Variants in GRID2 observed in about 807,000 individuals in gnomAD.
GRID2 encodes the protein glutamate receptor ionotropic, delta-2.
A neutral mutation model predicts 114.8 loss-of-function variants in GRID2; 33 were observed. The observed-to-expected ratio is 0.29, with a 90% CI of 0.22 to 0.38. The LOEUF (loss-of-function observed/expected upper bound fraction) is 0.38, where lower values mean the gene tolerates loss of function less well. GRID2 is among the 10% of genes least tolerant of loss of function. GRID2 has a pLI of 1.00. For missense variants in GRID2, 1,184 were observed against 1,257.7 expected, an observed-to-expected ratio of 0.94 and a Z score of 0.89; for synonymous variants, 505 against 449.9, an observed-to-expected ratio of 1.12 and a Z score of -1.55.
chr4:93,806,719 C>T (rs1735041026), exon 2 of GRID2: 1 of 152,230 alleles, frequency 6.6e-6, no homozygotes, highest in Non-Finnish European at 1.5e-5. Context: ...CCACAGGCTT[C>T]ATCCCTGCAG....
chr4:93,565,127 C>G, intron 13 of GRID2, among the ~76,000 whole-genome samples: 1 of 151,916 alleles, frequency 6.6e-6, no homozygotes, highest in Middle Eastern at 3.4e-3. Flanking sequence ...GATTTTATTT[C>G]ATAAATGATC....
intron 2 of GRID2, among the ~76,000 whole-genome samples, chr4:92,771,432 G>C (rs543204587): frequency 1.3e-5 from 2 of 152,160 alleles, no homozygotes; most frequent in Admixed American, 1.3e-4. Context: ...TCTTCTTTCT[G>C]TTATCCTACA....
intron 1 of GRID2, among the ~76,000 whole-genome samples, chr4:92,389,832 A>G (rs1266413874): frequency 1.3e-5 from 2 of 152,092 alleles, no homozygotes; most frequent in African/African-American, 4.8e-5. Context: ...ATATAGTTTC[A>G]TTCTTGCCCC....
At chr4:93,081,323 T>C (rs1052801631) in intron 2 of GRID2, among the ~76,000 whole-genome samples, 12 of 152,238 alleles carry the variant, frequency 7.9e-5, no homozygotes, top group African/African-American at 2.7e-4. Flanking sequence ...TTTAACTCTT[T>C]ATGCATTTTA....
intron 2 of GRID2, among the ~76,000 whole-genome samples, chr4:92,824,830 C>A (rs1355786595): frequency 1.3e-5 from 2 of 151,896 alleles, no homozygotes; most frequent in Non-Finnish European, 2.9e-5. Context: ...TTTAGGAAAA[C>A]CCATGAAGTG....
chr4:92,537,032 C>G (rs1725672350), intron 1 of GRID2, among the ~76,000 whole-genome samples: 1 of 152,126 alleles, frequency 6.6e-6, no homozygotes, highest in Non-Finnish European at 1.5e-5. Flanking sequence ...TATAAATAGG[C>G]TTACTTCAGC....
chr4:92,760,286 G>A (rs1737938867), intron 2 of GRID2, among the ~76,000 whole-genome samples: 2 of 149,836 alleles, frequency 1.3e-5, no homozygotes, highest in Admixed American at 1.3e-4. Context: ...GAAGAAGTCA[G>A]TTAGTGTCAG....
At chr4:93,438,423 G>T (rs1195797921) in intron 10 of GRID2, among the ~76,000 whole-genome samples, 1 of 152,068 alleles carries the variant, frequency 6.6e-6, no homozygotes, top group Non-Finnish European at 1.5e-5. Context: ...AAGCATGTTT[G>T]CCTTGATAAA....
chr4:92,752,668 T>C (rs1737509960), intron 2 of GRID2, among the ~76,000 whole-genome samples: 1 of 152,224 alleles, frequency 6.6e-6, no homozygotes, highest in Non-Finnish European at 1.5e-5. Context: ...CGTAATATGA[T>C]ACAGACTAGA....
rs76409022 is a variant in GRID2, at chr4:92,725,542, C to T, written c.244+135256C>T. Among the ~76,000 whole-genome samples, 792 of 152,172 alleles carry T rather than the reference C, an allele frequency of 5.2e-3. 3 individuals carry two copies. The highest frequency in any genetic ancestry group is 0.018 in the African/African-American group (758 of 41,528). On this transcript the variant is annotated intron_variant, in intron 2 of 15. Coordinates refer to ENST00000282020, the MANE Select transcript of GRID2 (RefSeq NM_001510.4). ...AATTTTTACCTTACTGAAAACTCTG[C>T]TTTTCAGAAAGTTGAGTAAGGGCTT...
At chr4:92,461,089 T>G (rs1721471335) in intron 1 of GRID2, among the ~76,000 whole-genome samples, 1 of 151,602 alleles carries the variant, frequency 6.6e-6, no homozygotes, top group South Asian at 2.1e-4. Flanking sequence ...AAATCATATA[T>G]TTATATAACT....
At chr4:93,169,106 A>G (rs562786911) in intron 4 of GRID2, among the ~76,000 whole-genome samples, 51 of 150,750 alleles carry the variant, frequency 3.4e-4, no homozygotes, top group Non-Finnish European at 6.8e-4. Flanking sequence ...TGAAAGTTAT[A>G]TTATTCTTCC....
chr4:93,364,427 C>G (rs927231018), intron 8 of GRID2, among the ~76,000 whole-genome samples: 1 of 151,974 alleles, frequency 6.6e-6, no homozygotes, highest in Non-Finnish European at 1.5e-5. Context: ...AGTATTGAAT[C>G]TATTTTCATT....
chr4:92,850,438 A>C (rs886586205), intron 2 of GRID2, among the ~76,000 whole-genome samples: 3 of 151,904 alleles, frequency 2.0e-5, no homozygotes, highest in Non-Finnish European at 4.4e-5. Context: ...GGATGTTAAT[A>C]AACAATTTAT....
chr4:92,994,121 T>A (rs1003600969), intron 2 of GRID2, among the ~76,000 whole-genome samples: 1 of 151,908 alleles, frequency 6.6e-6, no homozygotes, highest in South Asian at 2.1e-4. Context: ...TGGAAACCAA[T>A]CCAGAATTGC....
At chr4:92,894,617 A>G (rs771069647) in intron 2 of GRID2, among the ~76,000 whole-genome samples, 13 of 152,196 alleles carry the variant, frequency 8.5e-5, no homozygotes, top group Non-Finnish European at 1.5e-4. Context: ...TATTCCTACT[A>G]TGTACTATAT....
intron 14 of GRID2, among the ~76,000 whole-genome samples, chr4:93,690,558 T>G (rs1257850098): frequency 6.6e-6 from 1 of 151,960 alleles, no homozygotes; most frequent in Non-Finnish European, 1.5e-5. Context: ...GCTTTCCTAA[T>G]GAGTTGTCAT....
At chr4:92,321,823 T>C (rs915711192) in intron 1 of GRID2, among the ~76,000 whole-genome samples, 2 of 152,168 alleles carry the variant, frequency 1.3e-5, no homozygotes, top group Non-Finnish European at 2.9e-5. Flanking sequence ...AGCGTTGTAT[T>C]TGATGTCAGG....
chr4:93,151,934 T>C (rs1736776096), intron 4 of GRID2, among the ~76,000 whole-genome samples: 1 of 152,160 alleles, frequency 6.6e-6, no homozygotes, highest in African/African-American at 2.4e-5. Flanking sequence ...CAGATTTTAA[T>C]AGACATGAAT....
Sources: gnomAD v4.1 joint callset for allele counts (sites outside exome capture counted in the v4.1 genomes callset) on GRCh38, gnomAD v4.1.1 for gene constraint, MANE v1.5 for transcripts, NCBI Gene and HGNC (gene_info 2026-07-23, HGNC 2026-07-21) for gene names.